Variants in FOXP1 observed in about 807,000 individuals in gnomAD.
FOXP1 encodes forkhead box P1.
In FOXP1, 15 loss-of-function variants were observed where a neutral mutation model predicts 98.2. The observed-to-expected ratio is 0.15, with a 90% confidence interval of 0.10 to 0.24. FOXP1 has a LOEUF of 0.24. Among genes scored for constraint, FOXP1 ranks in the 10% least tolerant of loss-of-function variants. The probability of loss-of-function intolerance (pLI) is 1.00; values close to 1 mark genes in which losing one functional copy is unlikely to be tolerated. For missense variants in FOXP1, 633 were observed against 848.5 expected, an observed-to-expected ratio of 0.75 and a Z score of 3.15; for synonymous variants, 371 against 314.5, an observed-to-expected ratio of 1.18 and a Z score of -1.90.
chr3:71,045,415 T>C lies in FOXP1; in HGVS notation c.664+1527A>G, dbSNP rs914232276. On this transcript the variant is annotated intron_variant, in intron 10 of 20. Coordinates refer to ENST00000649528, the MANE Select transcript of FOXP1 (RefSeq NM_001349338.3). Reference sequence around the variant, plus strand: ...AATGAACCTTAGTGAGCAAACTTGATGAGAGAGGTTGGAGCTCAAGTCCGG... The same window carrying C: ...AATGAACCTTAGTGAGCAAACTTGACGAGAGAGGTTGGAGCTCAAGTCCGG... Among the ~76,000 whole-genome samples, 8 of 152,172 alleles carry C rather than the reference T, an allele frequency of 5.3e-5. No individual in the cohort carries two copies. In the East Asian group the frequency reaches 9.6e-4, roughly 18 times the overall value.
chr3:71,039,004 T>C (rs918715519), intron 11 of FOXP1, among the ~76,000 whole-genome samples: 5 of 152,120 alleles, frequency 3.3e-5, no homozygotes, highest in African/African-American at 1.2e-4. Context: ...AAGCTTAAAC[T>C]GAACTATCTT....
At chr3:71,002,511 C>T (rs986442781) in intron 12 of FOXP1, among the ~76,000 whole-genome samples, 3 of 152,170 alleles carry the variant, frequency 2.0e-5, no homozygotes, top group Non-Finnish European at 4.4e-5. Context: ...GTTTCACATG[C>T]TGCTCACTCA....
intron 12 of FOXP1, among the ~76,000 whole-genome samples, chr3:71,005,333 A>AAC (rs1553687896): frequency 6.7e-6 from 1 of 149,592 alleles, no homozygotes; most frequent in Non-Finnish European, 1.5e-5. Flanking sequence ...AAAAAAAAAA[A>AAC]AAAAAAAACC....
chr3:71,209,358 T>C (rs907270241), intron 5 of FOXP1, among the ~76,000 whole-genome samples: 2 of 152,166 alleles, frequency 1.3e-5, no homozygotes, highest in Non-Finnish European at 2.9e-5. Context: ...AAACACAGAT[T>C]CGAATCTTTA....
At chr3:71,420,621 C>T (rs1031073895) in intron 3 of FOXP1, among the ~76,000 whole-genome samples, 5 of 152,158 alleles carry the variant, frequency 3.3e-5, no homozygotes, top group African/African-American at 1.2e-4. Context: ...CCAGACCCTG[C>T]CCAAGTGGAT....
chr3:71,071,226 G>C (rs951182948), intron 7 of FOXP1, among the ~76,000 whole-genome samples: 1 of 152,226 alleles, frequency 6.6e-6, no homozygotes, highest in African/African-American at 2.4e-5. Context: ...GTTGAGAACA[G>C]AGGGTGTGTT....
intron 4 of FOXP1, among the ~76,000 whole-genome samples, chr3:71,317,425 C>T (rs1332918724): frequency 2.6e-5 from 4 of 151,852 alleles, no homozygotes; most frequent in African/African-American, 4.8e-5. Context: ...GAGACAAAGA[C>T]GTTTCTATAC....
chr3:71,173,383 TCACACACACACACACA>T (rs3064895), intron 6 of FOXP1, among the ~76,000 whole-genome samples: 15 of 143,308 alleles, frequency 1.0e-4, no homozygotes, highest in South Asian at 4.5e-4. Flanking sequence ...AAGAAAAAAT[TCACACACACACACACA>T]CACACACACA....
chr3:71,464,899 C>G (rs1434848898), intron 3 of FOXP1, among the ~76,000 whole-genome samples: 2 of 152,200 alleles, frequency 1.3e-5, no homozygotes, highest in East Asian at 3.9e-4. Flanking sequence ...CTCATAGGAG[C>G]TACTTGACAT....
At chr3:71,160,688 CT>C (rs1358863891) in intron 6 of FOXP1, among the ~76,000 whole-genome samples, 1 of 152,200 alleles carries the variant, frequency 6.6e-6, no homozygotes, top group Non-Finnish European at 1.5e-5. Context: ...TAGTGGTTAC[CT>C]CATGGGACTG....
At chr3:71,032,007 C>T (rs891449353) in intron 11 of FOXP1, among the ~76,000 whole-genome samples, 1 of 152,242 alleles carries the variant, frequency 6.6e-6, no homozygotes, top group African/African-American at 2.4e-5. Context: ...TTTCGCATCT[C>T]TTCTTGGTTG....
At chr3:70,985,565 A>C (rs2039598217) in intron 14 of FOXP1, among the ~76,000 whole-genome samples, 1 of 152,248 alleles carries the variant, frequency 6.6e-6, no homozygotes, top group Non-Finnish European at 1.5e-5. Flanking sequence ...TCACTCCGAC[A>C]ACAGAGTGTC....
chr3:71,426,065 C>A (rs972381454), intron 3 of FOXP1, among the ~76,000 whole-genome samples: 2 of 152,158 alleles, frequency 1.3e-5, no homozygotes, highest in African/African-American at 4.8e-5. Context: ...TCTCATCATG[C>A]CAGCTCTGAT....
At chr3:71,575,921 G>C (rs2047687384) in intron 2 of FOXP1, among the ~76,000 whole-genome samples, 1 of 152,232 alleles carries the variant, frequency 6.6e-6, no homozygotes, top group Non-Finnish European at 1.5e-5. Context: ...CAGTGTCCTA[G>C]TAAACAAAGT....
chr3:71,363,536 G>A (rs1466521175), intron 3 of FOXP1, among the ~76,000 whole-genome samples: 2 of 152,170 alleles, frequency 1.3e-5, no homozygotes, highest in Non-Finnish European at 2.9e-5. Flanking sequence ...ATTTAAACAA[G>A]TAGGCAGATA....
chr3:71,517,937 G>A (rs946212014), intron 2 of FOXP1, among the ~76,000 whole-genome samples: 2 of 152,038 alleles, frequency 1.3e-5, no homozygotes, highest in African/African-American at 4.8e-5. Context: ...CTCTCCCCTC[G>A]AAATACATCA....
chr3:71,372,963 G>A (rs2079449859), intron 3 of FOXP1, among the ~76,000 whole-genome samples: 1 of 152,146 alleles, frequency 6.6e-6, no homozygotes, highest in Non-Finnish European at 1.5e-5. Flanking sequence ...TGAAAGGTAG[G>A]ATCCTTAACT....
At chr3:71,436,022 G>C (rs1394778775) in intron 3 of FOXP1, among the ~76,000 whole-genome samples, 2 of 151,608 alleles carry the variant, frequency 1.3e-5, no homozygotes, top group African/African-American at 2.4e-5. Context: ...AAGGAAGAAA[G>C]GGGGGAGAAT....
intron 7 of FOXP1, among the ~76,000 whole-genome samples, chr3:71,065,926 C>CT (rs2052431349): frequency 6.6e-6 from 1 of 152,058 alleles, no homozygotes; most frequent in East Asian, 1.9e-4. Flanking sequence ...TTCGGCGACT[C>CT]TAAAAAAATC....
Sources: allele counts gnomAD v4.1 joint callset (sites outside exome capture counted in the v4.1 genomes callset), GRCh38; gene constraint gnomAD v4.1.1; transcripts MANE v1.5; gene names NCBI Gene and HGNC (gene_info 2026-07-23, HGNC 2026-07-21).